The following ABCB1 variants were observed in gnomAD, a reference collection of about 807,000 sequenced individuals.
ABCB1 encodes ATP-dependent translocase ABCB1.
A neutral mutation model predicts 142.0 loss-of-function variants in ABCB1; 69 were observed. That is an observed-to-expected ratio of 0.49 (90% CI 0.40 to 0.59). The LOEUF is 0.59. Ranked by LOEUF, ABCB1 falls within the 20% of genes least tolerant of loss-of-function variation. The pLI, the probability that ABCB1 is intolerant of heterozygous loss-of-function variation, is 0.00. For missense variants in ABCB1, 1,326 were observed against 1,554.7 expected (o/e 0.85, Z 2.47); for synonymous variants, 532 against 539.2 (o/e 0.99, Z 0.18).
rs80317807 is a variant in ABCB1, at chr7:87,533,514, C to A, written c.2482-2017G>T. ...CTAAGAAGTCTAAGACCTTAAACTGCAAGGAGATTTAACCCCTCGGCTTCA... is the reference window on the plus strand; with the variant it reads ...CTAAGAAGTCTAAGACCTTAAACTGAAAGGAGATTTAACCCCTCGGCTTCA... On this transcript the variant is annotated intron_variant, in intron 20 of 27. Coordinates refer to ENST00000622132, the MANE Select transcript of ABCB1 (RefSeq NM_001348946.2). Among the ~76,000 whole-genome samples, 1,124 of 152,268 alleles carry A rather than the reference C, an allele frequency of 7.4e-3. 15 individuals carry two copies. Among genetic ancestry groups the A allele is most frequent in the African/African-American group, 0.026 (1,081 of 41,556 alleles).
Position 87,549,843 on chromosome 7 carries a change from C to T in ABCB1, c.1554+8G>A. 6.2e-7 allele frequency: 1 copy of T among 1,614,084 alleles called. No individual in the cohort carries two copies. The highest frequency in any genetic ancestry group is 1.1e-5 in the South Asian group (1 of 91,084). Reference sequence around the variant, plus strand: ...CCTCTAGAAAGGCAAAGGGCAAGGACAACTTACATGAGGCAGTTTCATGAT... The same window carrying T: ...CCTCTAGAAAGGCAAAGGGCAAGGATAACTTACATGAGGCAGTTTCATGAT... On this transcript the variant is annotated splice_region_variant and intron_variant, in intron 13 of 27. Transcript: ENST00000622132.
chr7:87,561,197 C>T lies in ABCB1; in HGVS notation c.827+66G>A, dbSNP rs1817549245. ...AGAAAATGCTTATAAATAACACTGT[C>T]AATCTGAAGGGCATTTGAGAAGACA... On this transcript the variant is annotated intron_variant, in intron 8 of 27. Coordinates refer to ENST00000622132, the MANE Select transcript of ABCB1 (RefSeq NM_001348946.2). 1.9e-6 allele frequency: 3 copies of T among 1,583,588 alleles called. 1 individual carries two copies. In the Admixed American group the frequency reaches 5.1e-5, roughly 27 times the overall value.
intron 4 of ABCB1, among the ~76,000 whole-genome samples, chr7:87,583,969 A>G (rs1017208400): frequency 6.6e-6 from 1 of 152,216 alleles, no homozygotes; most frequent in Non-Finnish European, 1.5e-5. Context: ...TAGCAAGTAT[A>G]GGAACTAATG....
chr7:87,702,107 C>T lies in ABCB1; in HGVS notation c.-331+11054G>A, dbSNP rs562070576. Among the ~76,000 whole-genome samples the T allele has an allele frequency of 6.9e-4, 84 of 121,970 alleles. 1 individual carries two copies. The highest frequency in any genetic ancestry group is 2.6e-3 in the African/African-American group (81 of 31,224). The allele number at this position is 121,970 out of a possible 152,430, so 80.0% of individuals were successfully genotyped here. A position where few individuals can be genotyped will look rare whatever the true frequency, so the allele number is the denominator to read the frequency against. On this transcript the variant is annotated intron_variant, in intron 1 of 28. Coordinates refer to the ABCB1 transcript ENST00000265724. ...GCAGTGAGCAGAGATCGCGCCACTG[C>T]ACTCCAGCCTGGGCAAAAGAGCGAG...
At chr7:87,694,854 ACCTGTT>A (rs1382152789) in intron 1 of ABCB1, among the ~76,000 whole-genome samples, 1 of 152,116 alleles carries the variant, frequency 6.6e-6, no homozygotes, top group Non-Finnish European at 1.5e-5. Context: ...TTTTTGCTGA[ACCTGTT>A]CATCTTAATC....
intron 1 of ABCB1, among the ~76,000 whole-genome samples, chr7:87,662,538 T>C (rs1824818486): frequency 6.6e-6 from 1 of 152,008 alleles, no homozygotes; most frequent in Non-Finnish European, 1.5e-5. Context: ...ATTTTCAGAA[T>C]CTTTGTCAAA....
At chr7:87,557,676 T>C (rs1817362928) in intron 8 of ABCB1, among the ~76,000 whole-genome samples, 2 of 152,344 alleles carry the variant, frequency 1.3e-5, no homozygotes, top group Middle Eastern at 6.8e-3. Flanking sequence ...CATATCTAAC[T>C]AATTAAAGCA....
intron 1 of ABCB1, among the ~76,000 whole-genome samples, chr7:87,696,603 A>G (rs530915365): frequency 2.6e-5 from 4 of 152,324 alleles, no homozygotes; most frequent in Admixed American, 6.5e-5. Flanking sequence ...CTCTTGAAGA[A>G]TATCTTTCTG....
At chr7:87,692,560 G>T (rs1427257577) in intron 1 of ABCB1, among the ~76,000 whole-genome samples, 1 of 152,070 alleles carries the variant, frequency 6.6e-6, no homozygotes, top group African/African-American at 2.4e-5. Flanking sequence ...CCATAAATCT[G>T]GTCATGATAT....
intron 1 of ABCB1, chr7:87,628,925 G>A (rs1050866143): frequency 1.5e-6 from 2 of 1,310,006 alleles, no homozygotes; most frequent in Non-Finnish European, 2.0e-6. Flanking sequence ...TGGAGAGGAG[G>A]AACCTGATCA....
At chr7:87,626,038 A>AT (rs1820428720) in intron 1 of ABCB1, among the ~76,000 whole-genome samples, 1 of 145,554 alleles carries the variant, frequency 6.9e-6, no homozygotes, top group African/African-American at 2.5e-5. Flanking sequence ...AGAGAGAGAG[A>AT]GAGAGAGATG....
chr7:87,520,868 A>G lies in ABCB1; in HGVS notation c.2694T>C (p.Thr898=), dbSNP rs1815473178. ...KELEGSGKIA[T]EAIENFRTVV... is the part of the protein sequence containing the mutation. Reference sequence around the variant, plus strand: ...CGGTTCGGAAGTTTTCTATTGCTTCAGTAGCGATCTGTAACAGACAGCACC... The same window carrying G: ...CGGTTCGGAAGTTTTCTATTGCTTCGGTAGCGATCTGTAACAGACAGCACC... Residue 898 remains threonine, a synonymous_variant, in exon 22 of 28, where the codon ACT becomes ACC. Coordinates refer to ENST00000622132, the MANE Select transcript of ABCB1 (RefSeq NM_001348946.2). 1 of 1,613,660 alleles carries G rather than the reference A, an allele frequency of 6.2e-7. No homozygotes were observed. The highest frequency in any genetic ancestry group is 1.3e-5 in the African/African-American group (1 of 74,914).
At chr7:87,656,571 A>G (rs1824124855) in intron 1 of ABCB1, among the ~76,000 whole-genome samples, 1 of 152,114 alleles carries the variant, frequency 6.6e-6, no homozygotes, top group African/African-American at 2.4e-5. Context: ...AAGCAAGGGA[A>G]GATAAAGGGG....
chr7:87,521,920 G>C, intron 21 of ABCB1: 2 of 777,722 alleles, frequency 2.6e-6, no homozygotes, highest in Non-Finnish European at 4.6e-6. Flanking sequence ...AGTAACTTTT[G>C]ACGACCATGA....
At chr7:87,553,594 A>G (rs1584875016) in intron 9 of ABCB1, among the ~76,000 whole-genome samples, 167 bp downstream of exon 9, 1 of 152,316 alleles carries the variant, frequency 6.6e-6, no homozygotes, top group South Asian at 2.1e-4. Flanking sequence ...TGCTGGGATT[A>G]CAGGTGTGAG....
At chr7:87,600,271 C>G in intron 1 of ABCB1, 81 bp from the exon 2 acceptor site, 2 of 1,211,046 alleles carry the variant, frequency 1.7e-6, no homozygotes, top group African/African-American at 1.5e-5. Context: ...AGTCCCCCGT[C>G]GAAGCCAGAG....
intron 1 of ABCB1, among the ~76,000 whole-genome samples, chr7:87,609,722 T>C (rs1819783590): frequency 6.6e-6 from 1 of 152,200 alleles, no homozygotes; most frequent in Non-Finnish European, 1.5e-5. Flanking sequence ...ATGATCATTC[T>C]TCAGGATCTA....
intron 23 of ABCB1, among the ~76,000 whole-genome samples, chr7:87,518,446 G>C (rs1815345196): frequency 6.6e-6 from 1 of 152,058 alleles, no homozygotes; most frequent in South Asian, 2.1e-4. Flanking sequence ...TGATCTCTAG[G>C]CCATAATCAC....
intron 1 of ABCB1, among the ~76,000 whole-genome samples, chr7:87,677,335 TAAAAAA>T (rs57714170): frequency 1.6e-5 from 2 of 125,226 alleles, no homozygotes; most frequent in African/African-American, 5.8e-5. Context: ...ATTTCAGATT[TAAAAAA>T]AAAAAAAAAG....
Sources: gnomAD v4.1 joint callset for allele counts (sites outside exome capture counted in the v4.1 genomes callset) on GRCh38, gnomAD v4.1.1 for gene constraint, MANE v1.5 for transcripts, NCBI Gene and HGNC (gene_info 2026-07-23, HGNC 2026-07-21) for gene names.